DGKK: variants seen among roughly 807,000 people sequenced by gnomAD.
The protein encoded by DGKK is diacylglycerol kinase kappa, also known as 142 kDa diacylglycerol kinase.
A neutral mutation model predicts 92.2 loss-of-function variants in DGKK; 35 were observed. The observed-to-expected ratio is 0.38, with a 90% CI of 0.29 to 0.50. The LOEUF is 0.50. Ranked by LOEUF, DGKK falls within the 20% of genes least tolerant of loss-of-function variation. The pLI is 0.92. For synonymous variants in DGKK, 368 were observed against 360.6 expected, an observed-to-expected ratio of 1.02 and a Z score of -0.23; for missense variants, 910 against 992.2, an observed-to-expected ratio of 0.92 and a Z score of 1.11.
At chrX:50,385,183 C>T (rs1477580458) in intron 15 of DGKK, among the ~76,000 whole-genome samples, 1 of 111,857 alleles carries the variant, frequency 8.9e-6, no homozygotes, top group Admixed American at 9.5e-5. Flanking sequence ...CTCTGCTCTT[C>T]TACCTCCATT....
chrX:50,376,826 C>A lies in DGKK; in HGVS notation c.3204G>T (p.Glu1068Asp), dbSNP rs782189827. 8 of 1,207,247 alleles carry A rather than the reference C, an allele frequency of 6.6e-6. No individual in the cohort carries two copies. The East Asian group carries it at 2.4e-4, about 36-fold the overall frequency. Residue 1068 changes from glutamate (E) to aspartate (D), a missense_variant, in exon 23 of 28, where the codon GAG (glutamate) becomes GAT (aspartate). Coordinates refer to ENST00000611977, the MANE Select transcript of DGKK (RefSeq NM_001013742.4). The part of the protein sequence containing the change: ...QPQLDFQDSQ[E>D]SLSDEEYAQM... ...GGGCATACTCCTCGTCAGAGAGGCT[C>A]TCTTGAGAGTCCTGGAAGTCCAGCT... is the stretch of plus-strand genomic sequence containing the variant.
intron 1 of DGKK, among the ~76,000 whole-genome samples, chrX:50,455,326 A>G (rs1926582976): frequency 8.9e-6 from 1 of 112,005 alleles, no homozygotes; most frequent in Non-Finnish European, 1.9e-5. Context: ...TAATATCTGT[A>G]TCTATCTATG....
chrX:50,446,282 T>G, intron 1 of DGKK, among the ~76,000 whole-genome samples: 1 of 111,564 alleles, frequency 9.0e-6, no homozygotes, highest in Admixed American at 9.5e-5. Context: ...TTCTTTCTCT[T>G]GCCTGATTGC....
chrX:50,375,122 C>T, intron 24 of DGKK, 65 bp from the exon 25 acceptor site: 2 of 881,568 alleles, frequency 2.3e-6, no homozygotes, highest in Non-Finnish European at 1.6e-6. Flanking sequence ...GGTTAGTAAG[C>T]ATGCAGCTGT....
chrX:50,397,696 A>G (rs781967517), intron 8 of DGKK, among the ~76,000 whole-genome samples: 3 of 112,230 alleles, frequency 2.7e-5, no homozygotes, highest in Non-Finnish European at 5.6e-5. Flanking sequence ...CAGTGATGCT[A>G]TCTTAGTCGT....
intron 4 of DGKK, among the ~76,000 whole-genome samples, chrX:50,412,365 G>T (rs1342714713): frequency 8.9e-6 from 1 of 112,043 alleles, no homozygotes; most frequent in South Asian, 3.7e-4. Flanking sequence ...AATTAATTTT[G>T]TAAAAAATAT....
chrX:50,394,715 G>A lies in DGKK; in HGVS notation c.1412-1380C>T, dbSNP rs1006612110. Among the ~76,000 whole-genome samples, 10 of 111,526 alleles carry A rather than the reference G, an allele frequency of 9.0e-5. No homozygotes were observed. The Admixed American group carries it at 9.6e-4, about 11-fold the overall frequency. On this transcript the variant is annotated intron_variant, in intron 8 of 27. Transcript: ENST00000611977. Reference sequence around the variant, plus strand: ...AGATAGAAATAGTCTCTGCCCTTGTGGAACTTATATTTTAATGGAGGAGAC... The same window carrying A: ...AGATAGAAATAGTCTCTGCCCTTGTAGAACTTATATTTTAATGGAGGAGAC...
rs143892867 is a variant in DGKK at position 50,457,966 on chromosome X, C to T, written c.645+12068G>A. ...GAAGAAAGAAACTTGAGAGAACGGC[C>T]ATGTTTCCGAGAAAGTATGATCTAC... On this transcript the variant is annotated intron_variant, in intron 1 of 27. Coordinates refer to ENST00000611977, the MANE Select transcript of DGKK (RefSeq NM_001013742.4). Among the ~76,000 whole-genome samples, 496 of 110,966 alleles carry T rather than the reference C, an allele frequency of 4.5e-3. 4 individuals are homozygous for T. Among genetic ancestry groups the T allele is most frequent in the African/African-American group, 0.016 (486 of 30,287 alleles).
chrX:50,426,985 A>G (rs1925759827), intron 1 of DGKK, among the ~76,000 whole-genome samples: 1 of 111,758 alleles, frequency 8.9e-6, no homozygotes, highest in African/African-American at 3.3e-5. Context: ...TGATCTAAAA[A>G]TTGAAATCTT....
intron 8 of DGKK, among the ~76,000 whole-genome samples, chrX:50,396,048 G>T (rs782118882): frequency 8.9e-6 from 1 of 112,075 alleles, no homozygotes; most frequent in Non-Finnish European, 1.9e-5. Context: ...AATAGCAAAA[G>T]ACTGAAAACT....
chrX:50,433,434 A>G (rs1374355277), intron 1 of DGKK, among the ~76,000 whole-genome samples: 1 of 111,765 alleles, frequency 8.9e-6, no homozygotes, highest in Non-Finnish European at 1.9e-5. Flanking sequence ...AAGGTGCCCT[A>G]TAACTGCAGC....
intron 1 of DGKK, among the ~76,000 whole-genome samples, chrX:50,429,336 C>T (rs1485666126): frequency 9.0e-6 from 1 of 111,521 alleles, no homozygotes; most frequent in Admixed American, 9.5e-5. Context: ...GAACACAGAC[C>T]CCACCCCATC....
At chrX:50,460,321 A>G (rs1926713029) in intron 1 of DGKK, among the ~76,000 whole-genome samples, 1 of 112,182 alleles carries the variant, frequency 8.9e-6, no homozygotes, top group Admixed American at 9.4e-5. Context: ...AGGTAAATGA[A>G]TGAACATCCA....
At chrX:50,403,897 T>C (rs898450200) in intron 5 of DGKK, among the ~76,000 whole-genome samples, 152 bp downstream of exon 5, 3 of 111,289 alleles carry the variant, frequency 2.7e-5, no homozygotes, top group Non-Finnish European at 5.6e-5. Context: ...CCCCTTTATG[T>C]TAGTTTCCTC....
chrX:50,420,653 A>G (rs1444731806), intron 3 of DGKK, 146 bp from the exon 4 acceptor site: 3 of 445,693 alleles, frequency 6.7e-6, no homozygotes, highest in Non-Finnish European at 1.1e-5. Flanking sequence ...TCCCAGAACC[A>G]CTCGTAGCTC....
intron 1 of DGKK, among the ~76,000 whole-genome samples, chrX:50,464,741 T>A (rs781813569): frequency 1.8e-5 from 2 of 111,271 alleles, no homozygotes; most frequent in South Asian, 7.7e-4. Flanking sequence ...GTTAGAGGGA[T>A]GGTATCTTTC....
chrX:50,377,065 T>C, intron 22 of DGKK, 147 bp from the exon 23 acceptor site: 1 of 464,611 alleles, frequency 2.2e-6, no homozygotes, highest in Non-Finnish European at 3.5e-6. Context: ...CCATTCCCCC[T>C]GTCATACCCA....
At chrX:50,453,249 C>G (rs1043226301) in intron 1 of DGKK, among the ~76,000 whole-genome samples, 6 of 111,344 alleles carry the variant, frequency 5.4e-5, no homozygotes, top group Non-Finnish European at 7.5e-5. Context: ...GTTTTGTAGT[C>G]TGGAGCCTTG....
chrX:50,438,330 T>A (rs1364863535), intron 1 of DGKK, among the ~76,000 whole-genome samples: 2 of 111,900 alleles, frequency 1.8e-5, no homozygotes, highest in Non-Finnish European at 3.8e-5. Flanking sequence ...TTTGTATACA[T>A]TAGTGCTAAC....
Sources: gnomAD v4.1 joint callset for allele counts (sites outside exome capture counted in the v4.1 genomes callset) on GRCh38, gnomAD v4.1.1 for gene constraint, MANE v1.5 for transcripts, NCBI Gene and HGNC (gene_info 2026-07-23, HGNC 2026-07-21) for gene names.